GADL1: variants seen among roughly 807,000 people sequenced by gnomAD.
GADL1 encodes the protein acidic amino acid decarboxylase GADL1.
Under a neutral mutation model 69.5 loss-of-function variants are expected in GADL1, and 71 were observed. That is an observed-to-expected ratio of 1.02 (90% CI 0.84 to 1.25). The LOEUF (loss-of-function observed/expected upper bound fraction) is 1.25, where lower values mean the gene tolerates loss of function less well. Among genes scored for constraint, GADL1 ranks in the 50% most tolerant of loss-of-function variants. GADL1 has a pLI of 0.00. For missense variants in GADL1, 737 were observed against 631.8 expected, an observed-to-expected ratio of 1.17 and a Z score of -1.79; for synonymous variants, 254 against 214.4, an observed-to-expected ratio of 1.18 and a Z score of -1.62.
intron 1 of GADL1, among the ~76,000 whole-genome samples, chr3:30,868,610 C>T (rs1370643433): frequency 2.6e-5 from 4 of 151,834 alleles, no homozygotes; most frequent in East Asian, 1.9e-4. Context: ...AAACAAAGTG[C>T]CAGGGACAGT....
chr3:30,848,188 A>G (rs1323964731), intron 6 of GADL1, among the ~76,000 whole-genome samples: 4 of 152,204 alleles, frequency 2.6e-5, no homozygotes, highest in African/African-American at 9.6e-5. Context: ...ACTTTTTCCC[A>G]GCTGTCCACA....
At chr3:30,735,875 A>G (rs1184937398) in intron 14 of GADL1, among the ~76,000 whole-genome samples, 1 of 152,184 alleles carries the variant, frequency 6.6e-6, no homozygotes, top group Non-Finnish European at 1.5e-5. Flanking sequence ...GGGCTCTACC[A>G]CACATCAGAT....
At chr3:30,755,951 C>T (rs1346049718) in intron 14 of GADL1, among the ~76,000 whole-genome samples, 1 of 152,114 alleles carries the variant, frequency 6.6e-6, no homozygotes, top group Non-Finnish European at 1.5e-5. Context: ...CTCCCACAAG[C>T]TGCCTCCTAT....
chr3:30,832,178 C>T lies in GADL1; in HGVS notation c.1050+1675G>A, dbSNP rs564245115. 4.0e-5 allele frequency among the ~76,000 whole-genome samples: 6 copies of T among 151,774 alleles called. No homozygotes were observed. The South Asian group carries it at 1.0e-3, about 26-fold the overall frequency. ...TATCTCATGGTTTAGCTTTCCTATT[C>T]CATTTAAATTGAAAACGGTCTTTTC... On this transcript the variant is annotated intron_variant, in intron 11 of 14. Coordinates refer to ENST00000282538, the MANE Select transcript of GADL1 (RefSeq NM_207359.3).
chr3:30,756,911 C>T (rs1214218382), intron 14 of GADL1, among the ~76,000 whole-genome samples: 1 of 151,978 alleles, frequency 6.6e-6, no homozygotes, highest in Non-Finnish European at 1.5e-5. Flanking sequence ...GTTTATGTAG[C>T]AATAACTCAG....
rs1695388049 is a variant in GADL1 at position 30,727,534 on chromosome 3, C to T, written c.*708G>A. 1 of 151,856 alleles carries T rather than the reference C, an allele frequency of 6.6e-6. No homozygotes were observed. The allele number at this position is 151,856 out of a possible 1,614,324, so 9.4% of individuals were successfully genotyped here. A position where few individuals can be genotyped will look rare whatever the true frequency, so the allele number is the denominator to read the frequency against. On this transcript the variant is annotated 3_prime_UTR_variant, in exon 15 of 15. Coordinates refer to ENST00000282538, the MANE Select transcript of GADL1 (RefSeq NM_207359.3). Reference sequence around the variant, plus strand: ...ATCTCTATGAAGTAAACATCTTATACAGTTTCTCTCTTTAAAAATAGCTTT... The same window carrying T: ...ATCTCTATGAAGTAAACATCTTATATAGTTTCTCTCTTTAAAAATAGCTTT...
chr3:30,762,072 T>A (rs549299842), intron 14 of GADL1, among the ~76,000 whole-genome samples: 4 of 152,260 alleles, frequency 2.6e-5, no homozygotes, highest in African/African-American at 9.6e-5. Flanking sequence ...ACAGTCTACA[T>A]CACCAAATAT....
Position 30,751,820 on chromosome 3 carries a change from CTTTT to C in GADL1, c.1393-23409_1393-23406del, listed in dbSNP as rs568111007. On this transcript the variant is annotated intron_variant, in intron 14 of 14. Transcript: ENST00000282538. ...TTTTAGAGGAAAGTCCCTTGGAAAG[CTTTT>C]TTTGTCTCTGACTAAACACAGAAGT... is the stretch of plus-strand genomic sequence containing the variant. Among the ~76,000 whole-genome samples the C allele has an allele frequency of 6.4e-3, 975 of 152,270 alleles. 4 individuals are homozygous for C. Among genetic ancestry groups the C allele is most frequent in the Non-Finnish European group, 9.3e-3 (632 of 68,020 alleles).
At chr3:30,894,452 T>C in intron 1 of GADL1, 126 bp downstream of exon 1, 1 of 669,526 alleles carries the variant, frequency 1.5e-6, no homozygotes, top group East Asian at 3.1e-5. Flanking sequence ...GATGGGGACT[T>C]TCTACCCACC....
chr3:30,790,819 AAAC>A (rs1397130492), intron 12 of GADL1, among the ~76,000 whole-genome samples: 3 of 152,178 alleles, frequency 2.0e-5, no homozygotes, highest in African/African-American at 7.2e-5. Context: ...AAATAACTAG[AAAC>A]AAGATTAATA....
intron 14 of GADL1, among the ~76,000 whole-genome samples, chr3:30,764,759 C>A (rs138292856): frequency 0.013 from 1,937 of 152,290 alleles, 21 homozygotes; most frequent in Non-Finnish European, 0.017. Context: ...TAGTCCACCT[C>A]GGTATACTTC....
At chr3:30,780,686 T>A (rs1272284013) in intron 13 of GADL1, among the ~76,000 whole-genome samples, 2 of 152,216 alleles carry the variant, frequency 1.3e-5, no homozygotes, top group Non-Finnish European at 2.9e-5. Flanking sequence ...TAGATCTGAT[T>A]CCTTTTGCCC....
intron 12 of GADL1, chr3:30,799,671 A>G (rs1434886046): frequency 1.3e-5 from 2 of 152,182 alleles, no homozygotes; most frequent in African/African-American, 4.8e-5. Context: ...TTTCTACTGC[A>G]TCGTCAGGCT....
At chr3:30,797,889 A>C (rs1486018028) in intron 12 of GADL1, 1 of 152,206 alleles carries the variant, frequency 6.6e-6, no homozygotes, top group Non-Finnish European at 1.5e-5. Context: ...AACCTTGAAC[A>C]GTATAAGCTC....
At position 30,801,002 on chromosome 3, in the gene GADL1, G is replaced by C. The variant is rs771523017; in HGVS notation, c.1137C>G (p.Asp379Glu). 15 of 1,613,464 alleles carry C rather than the reference G, an allele frequency of 9.3e-6. No individual in the cohort carries two copies. The highest frequency in any genetic ancestry group is 1.3e-5 in the Non-Finnish European group (15 of 1,179,562). The change falls in exon 12 of 15, where the codon GAC (aspartate) becomes GAG (glutamate). Residue 379 changes from aspartate (D) to glutamate (E), a missense_variant. Transcript: ENST00000282538. ...GTCTTCTGCTACACTGGATAGACTT[G>C]TCTCCTGTGTCATAGCTCACATCAT... ...KFYDVSYDTG[D>E]KSIQCSRRPD...
At chr3:30,755,338 C>G (rs1447745863) in intron 14 of GADL1, among the ~76,000 whole-genome samples, 1 of 151,312 alleles carries the variant, frequency 6.6e-6, no homozygotes, top group Non-Finnish European at 1.5e-5. Context: ...ATGGAGAGTT[C>G]CAAGCCAGCT....
intron 14 of GADL1, among the ~76,000 whole-genome samples, chr3:30,768,925 C>T (rs1696351345): frequency 6.6e-6 from 1 of 152,102 alleles, no homozygotes; most frequent in African/African-American, 2.4e-5. Context: ...GCAGGCTGGG[C>T]ACTGGCAAAA....
At chr3:30,793,223 A>G (rs540671894) in intron 12 of GADL1, among the ~76,000 whole-genome samples, 1 of 152,284 alleles carries the variant, frequency 6.6e-6, no homozygotes, top group African/African-American at 2.4e-5. Context: ...TTTCTACTAA[A>G]AAGTACCCTA....
chr3:30,816,068 G>GTTTA (rs1697462852), intron 11 of GADL1, among the ~76,000 whole-genome samples: 1 of 152,156 alleles, frequency 6.6e-6, no homozygotes, highest in Non-Finnish European at 1.5e-5. Context: ...TGTTTTATCT[G>GTTTA]TTTATTGAAC....
Sources: gnomAD v4.1 joint callset for allele counts (sites outside exome capture counted in the v4.1 genomes callset) on GRCh38, gnomAD v4.1.1 for gene constraint, MANE v1.5 for transcripts, NCBI Gene and HGNC (gene_info 2026-07-23, HGNC 2026-07-21) for gene names.